ZEB2: variants seen among roughly 807,000 people sequenced by gnomAD.
ZEB2 encodes the protein zinc finger E-box-binding homeobox 2.
ZEB2 carries 6 observed loss-of-function variants against 99.9 expected under a neutral mutation model. The observed-to-expected ratio is 0.06, with a 90% CI of 0.03 to 0.12. The LOEUF (loss-of-function observed/expected upper bound fraction) is 0.12. Ranked by LOEUF, ZEB2 falls within the 10% of genes least tolerant of loss-of-function variation. The pLI is 1.00. For missense variants in ZEB2, 969 were observed against 1,502.8 expected, an observed-to-expected ratio of 0.64 and a Z score of 5.87; for synonymous variants, 517 against 542.5, an observed-to-expected ratio of 0.95 and a Z score of 0.65.
intron 9 of ZEB2, among the ~76,000 whole-genome samples, chr2:144,393,276 G>A (rs1388652812): frequency 1.3e-5 from 2 of 152,154 alleles, no homozygotes; most frequent in Non-Finnish European, 2.9e-5. Flanking sequence ...GAAAAATGAA[G>A]CATGATGACT....
At chr2:144,434,851 G>T (rs1036863862) in intron 2 of ZEB2, among the ~76,000 whole-genome samples, 6 of 152,144 alleles carry the variant, frequency 3.9e-5, no homozygotes, top group African/African-American at 1.4e-4. Context: ...GACTTGCCTT[G>T]TCCCAGAACC....
At chr2:144,390,066 T>G in intron 9 of ZEB2, 38 bp from the exon 10 acceptor site, 1 of 1,593,230 alleles carries the variant, frequency 6.3e-7, no homozygotes, top group Non-Finnish European at 8.5e-7. Context: ...GATTAGTGTC[T>G]TTGCATGAAG....
chr2:144,399,229 T>G lies in ZEB2; in HGVS notation c.1958A>C (p.Lys653Thr). 2 of 1,614,132 alleles carry G rather than the reference T, an allele frequency of 1.2e-6. No individual in the cohort carries two copies. Among genetic ancestry groups the G allele is most frequent in the Non-Finnish European group, 1.7e-6 (2 of 1,180,020 alleles). ...TGCTTTGAGTACAGACATGTGGTCC[T>G]TGTATGGGTTGATGGGGCTTGTCAT... ...KGMTSPINPY[K>T]DHMSVLKAYY... Residue 653 changes from lysine (K) to threonine (T), a missense_variant, in exon 8 of 10, where the codon AAG (lysine) becomes ACG (threonine). By Grantham distance (78) the Lys-to-Thr change is moderately conservative. Coordinates refer to ENST00000627532, the MANE Select transcript of ZEB2 (RefSeq NM_014795.4). The surrounding 1 kb of genome is among the most constrained non-coding windows in gnomAD (Gnocchi z 5.6).
intron 2 of ZEB2, chr2:144,514,030 G>C: frequency 1.3e-6 from 1 of 775,040 alleles, no homozygotes; most frequent in Non-Finnish European, 1.9e-6. Context: ...TCTGGGAAGA[G>C]ATTTCATCCT....
At chr2:144,411,822 T>A (rs1347445362) in intron 4 of ZEB2, among the ~76,000 whole-genome samples, 1 of 152,240 alleles carries the variant, frequency 6.6e-6, no homozygotes, top group Non-Finnish European at 1.5e-5. Context: ...GGAATGGGAA[T>A]CTGTAGTAGT....
chr2:144,493,176 A>G (rs1704707008), intron 2 of ZEB2, among the ~76,000 whole-genome samples: 1 of 152,132 alleles, frequency 6.6e-6, no homozygotes, highest in African/African-American at 2.4e-5. Flanking sequence ...AAAGGAACGA[A>G]TATCTCAGGC....
At chr2:144,499,286 T>C (rs1426802734) in intron 2 of ZEB2, among the ~76,000 whole-genome samples, 1 of 152,216 alleles carries the variant, frequency 6.6e-6, no homozygotes, top group African/African-American at 2.4e-5. Flanking sequence ...TTCATATTGT[T>C]CAGAGGGTCA....
intron 2 of ZEB2, among the ~76,000 whole-genome samples, chr2:144,483,148 A>ACACACACACATGCGCG (rs1553968376): frequency 6.9e-6 from 1 of 144,006 alleles, no homozygotes; most frequent in African/African-American, 2.5e-5. Flanking sequence ...ACACACACAC[A>ACACACACACATGCGCG]CACACACACA....
Position 144,399,303 on chromosome 2 carries a change from A to G in ZEB2, c.1884T>C (p.Phe628=), listed in dbSNP as rs774643176. 23 of 1,614,058 alleles carry G rather than the reference A, an allele frequency of 1.4e-5. No homozygotes were observed. The highest frequency in any genetic ancestry group is 1.9e-5 in the Non-Finnish European group (23 of 1,180,028). The change falls in exon 8 of 10, where the codon TTT becomes TTC. Residue 628 remains phenylalanine (F), a synonymous_variant. Coordinates refer to ENST00000627532, the MANE Select transcript of ZEB2 (RefSeq NM_014795.4). The surrounding 1 kb of genome is among the most constrained non-coding windows in gnomAD (Gnocchi z 5.6). The part of the protein sequence containing the change: ...ENIVPNKAGV[F]VDNKALLLSS... ...ACAAGAGGAGGGCTTTATTATCAAC[A>G]AAAACTCCGGCTTTGTTGGGGACTA...
chr2:144,430,153 A>G, intron 2 of ZEB2, 127 bp from the exon 3 acceptor site: 2 of 1,298,780 alleles, frequency 1.5e-6, no homozygotes, highest in Non-Finnish European at 2.2e-6. Flanking sequence ...ATGTCAGGAA[A>G]ATATAATTAA....
At chr2:144,490,205 T>A (rs778831832) in intron 2 of ZEB2, among the ~76,000 whole-genome samples, 8 of 152,196 alleles carry the variant, frequency 5.3e-5, no homozygotes, top group Non-Finnish European at 8.8e-5. Context: ...CACTGTCACT[T>A]AGTGGTTGCA....
At chr2:144,463,554 T>G (rs1341872333) in intron 2 of ZEB2, 1 of 152,002 alleles carries the variant, frequency 6.6e-6, no homozygotes, top group East Asian at 1.9e-4. Flanking sequence ...ATGGGCTGGG[T>G]GCAGTGGCTC....
At chr2:144,513,109 CT>C (rs932297285) in intron 2 of ZEB2, 178 of 1,286,274 alleles carry the variant, frequency 1.4e-4, no homozygotes, top group Non-Finnish European at 1.7e-4. Context: ...TAGGAGGCAC[CT>C]CCTGGAGAAG....
intron 4 of ZEB2, among the ~76,000 whole-genome samples, chr2:144,407,334 T>G (rs1376526289): frequency 6.6e-6 from 1 of 152,246 alleles, no homozygotes; most frequent in South Asian, 2.1e-4. Context: ...TTTGCTTAAA[T>G]CTGTTATTAG....
intron 2 of ZEB2, among the ~76,000 whole-genome samples, chr2:144,449,285 G>C (rs1402560067): frequency 6.6e-6 from 1 of 152,136 alleles, no homozygotes; most frequent in Admixed American, 6.5e-5. Flanking sequence ...CAGAAGACAG[G>C]GGGAGCTATT....
At chr2:144,466,230 A>G (rs550536490) in intron 2 of ZEB2, among the ~76,000 whole-genome samples, 1 of 152,316 alleles carries the variant, frequency 6.6e-6, no homozygotes, top group East Asian at 1.9e-4. Flanking sequence ...ATGCCAGATT[A>G]TGGAATTATC....
At chr2:144,487,699 T>A (rs1704618204) in intron 2 of ZEB2, among the ~76,000 whole-genome samples, 1 of 152,222 alleles carries the variant, frequency 6.6e-6, no homozygotes, top group African/African-American at 2.4e-5. Flanking sequence ...TTGGCTTTTG[T>A]TTTTGTTTTT....
chr2:144,505,100 G>C (rs1459153379), intron 2 of ZEB2, among the ~76,000 whole-genome samples: 1 of 151,028 alleles, frequency 6.6e-6, no homozygotes, highest in African/African-American at 2.4e-5. Flanking sequence ...ACACACAAAG[G>C]CACCAGTAAA....
chr2:144,462,478 C>G (rs1373348694), intron 2 of ZEB2: 1 of 152,178 alleles, frequency 6.6e-6, no homozygotes, highest in African/African-American at 2.4e-5. Flanking sequence ...ATAGCACTCA[C>G]AGCACGGAAG....
Sources: allele counts gnomAD v4.1 joint callset (sites outside exome capture counted in the v4.1 genomes callset), GRCh38; gene constraint gnomAD v4.1.1; non-coding constraint Gnocchi (gnomAD v3.1); transcripts MANE v1.5; gene names NCBI Gene and HGNC (gene_info 2026-07-23, HGNC 2026-07-21).